Variants in HIRA observed in about 807,000 individuals in gnomAD.
The protein encoded by HIRA is histone cell cycle regulator, also known as protein HIRA.
In HIRA, 13 loss-of-function variants were observed where a neutral mutation model predicts 126.6. The observed-to-expected ratio is 0.10, with a 90% CI of 0.07 to 0.16. The LOEUF (loss-of-function observed/expected upper bound fraction) is 0.16, where lower values mean the gene tolerates loss of function less well. Ranked by LOEUF, HIRA falls within the 10% of genes least tolerant of loss-of-function variation. HIRA has a pLI of 1.00. For missense variants in HIRA, 834 were observed against 1,314.4 expected (o/e 0.63, Z 5.65); for synonymous variants, 511 against 520.0 (o/e 0.98, Z 0.24).
intron 5 of HIRA, among the ~76,000 whole-genome samples, chr22:19,402,257 G>A (rs563296156): frequency 3.9e-5 from 6 of 152,318 alleles, no homozygotes; most frequent in Non-Finnish European, 8.8e-5. Flanking sequence ...TTGGTATGTG[G>A]ACAAGTAAAT....
chr22:19,417,903 A>C (rs575336195), intron 1 of HIRA, among the ~76,000 whole-genome samples: 2 of 152,306 alleles, frequency 1.3e-5, no homozygotes, highest in East Asian at 3.9e-4. Context: ...CATACAATGG[A>C]ATATTATTTA....
chr22:19,335,578 A>G (rs368512303), intron 24 of HIRA, among the ~76,000 whole-genome samples: 1 of 152,274 alleles, frequency 6.6e-6, no homozygotes, highest in Middle Eastern at 3.4e-3. Context: ...TTAGATGAAC[A>G]CTTTTGACAT....
At chr22:19,339,994 AAG>A (rs2146170815) in intron 24 of HIRA, among the ~76,000 whole-genome samples, 1 of 152,336 alleles carries the variant, frequency 6.6e-6, no homozygotes, top group East Asian at 1.9e-4. Context: ...AAGACAGAGA[AAG>A]AGGGAATCTC....
At chr22:19,347,803 G>C (rs1556009338) in intron 24 of HIRA, among the ~76,000 whole-genome samples, 1 of 152,242 alleles carries the variant, frequency 6.6e-6, no homozygotes, top group East Asian at 1.9e-4. Flanking sequence ...GCTGGGTGTA[G>C]TGGTGTGTGC....
chr22:19,383,530 G>T, intron 13 of HIRA, 90 bp downstream of exon 13: 1 of 1,067,472 alleles, frequency 9.4e-7, no homozygotes, highest in South Asian at 1.3e-5. Flanking sequence ...TGAAGGACCC[G>T]TGAAGATCCT....
intron 20 of HIRA, 43 bp from the exon 21 acceptor site, chr22:19,355,908 G>T: frequency 7.3e-7 from 1 of 1,373,532 alleles, no homozygotes; most frequent in Non-Finnish European, 1.0e-6. Flanking sequence ...GCTCTGATCA[G>T]CAAGTGTTTT....
chr22:19,402,765 A>G (rs75578415), intron 5 of HIRA, among the ~76,000 whole-genome samples: 4 of 152,210 alleles, frequency 2.6e-5, no homozygotes, highest in Admixed American at 6.5e-5. Flanking sequence ...GTGAACTGTA[A>G]TATTTGCCAC....
chr22:19,385,056 G>GA (rs1436393196), intron 12 of HIRA, among the ~76,000 whole-genome samples: 1 of 152,086 alleles, frequency 6.6e-6, no homozygotes, highest in East Asian at 1.9e-4. Context: ...GAATTGCCTG[G>GA]AGGAGGTTTG....
chr22:19,425,153 C>CA (rs547819697), intron 1 of HIRA, among the ~76,000 whole-genome samples: 133 of 152,188 alleles, frequency 8.7e-4, no homozygotes, highest in African/African-American at 2.2e-3. Flanking sequence ...GAAGGCAGAC[C>CA]AAAAAAATTG....
At chr22:19,417,201 AAAAAG>A (rs149384804) in intron 1 of HIRA, among the ~76,000 whole-genome samples, 3,807 of 152,096 alleles carry the variant, frequency 0.025, 164 homozygotes, top group African/African-American at 0.086. Flanking sequence ...CTCTGTCTCA[AAAAAG>A]AAAAGAAAAG....
At chr22:19,374,158 C>T (rs1382722097) in intron 15 of HIRA, among the ~76,000 whole-genome samples, 1 of 151,766 alleles carries the variant, frequency 6.6e-6, no homozygotes, top group Non-Finnish European at 1.5e-5. Flanking sequence ...CATGGTGAAA[C>T]CCCATCTCTA....
chr22:19,426,002 C>T (rs1264630930), intron 1 of HIRA, among the ~76,000 whole-genome samples: 7 of 152,130 alleles, frequency 4.6e-5, no homozygotes, highest in South Asian at 4.2e-4. Context: ...GGTAACAGAG[C>T]GAGACTCTGT....
At chr22:19,374,070 C>T (rs745889957) in intron 15 of HIRA, among the ~76,000 whole-genome samples, 1 of 152,052 alleles carries the variant, frequency 6.6e-6, no homozygotes, top group Admixed American at 6.6e-5. Context: ...CGGTGGCTCA[C>T]GCCTGTAATC....
intron 15 of HIRA, among the ~76,000 whole-genome samples, chr22:19,364,426 T>C (rs984841921): frequency 8.5e-5 from 13 of 152,304 alleles, no homozygotes; most frequent in African/African-American, 2.9e-4. Context: ...AGTTGAAGGT[T>C]TGTGGCAACC....
intron 5 of HIRA, 128 bp from the exon 6 acceptor site, chr22:19,398,215 A>C: frequency 4.7e-6 from 3 of 644,178 alleles, no homozygotes; most frequent in Non-Finnish European, 8.1e-6. Flanking sequence ...AACCTGAAAA[A>C]ACTCCCCCCA....
intron 24 of HIRA, among the ~76,000 whole-genome samples, chr22:19,350,297 C>T (rs1464155752): frequency 1.3e-5 from 2 of 152,180 alleles, no homozygotes; most frequent in African/African-American, 4.8e-5. Flanking sequence ...CTGCTGCCTG[C>T]CCTATGCCTA....
chr22:19,417,490 C>T (rs766557838), intron 1 of HIRA, among the ~76,000 whole-genome samples: 5 of 151,350 alleles, frequency 3.3e-5, no homozygotes, highest in African/African-American at 7.3e-5. Flanking sequence ...GGCATGGTAG[C>T]GTGTGCCTGT....
At chr22:19,404,370 G>C (rs921172577) in intron 5 of HIRA, among the ~76,000 whole-genome samples, 4 of 152,110 alleles carry the variant, frequency 2.6e-5, no homozygotes, top group Admixed American at 2.6e-4. Flanking sequence ...CCTCACTTGA[G>C]GCCTACCCCA....
intron 15 of HIRA, among the ~76,000 whole-genome samples, chr22:19,374,619 C>T (rs2283652): frequency 0.63 from 95,297 of 151,950 alleles, 30,036 homozygotes; most frequent in Middle Eastern, 0.74. Context: ...ACATGCAGTT[C>T]TGGACAGGGC....
Sources: allele counts gnomAD v4.1 joint callset (sites outside exome capture counted in the v4.1 genomes callset), GRCh38; gene constraint gnomAD v4.1.1; transcripts MANE v1.5; gene names NCBI Gene and HGNC (gene_info 2026-07-23, HGNC 2026-07-21).